The following AOPEP variants were observed in gnomAD, a reference collection of about 807,000 sequenced individuals.
AOPEP encodes aminopeptidase O (putative).
A neutral mutation model predicts 98.1 loss-of-function variants in AOPEP; 77 were observed. The observed-to-expected ratio is 0.78, with a 90% confidence interval of 0.65 to 0.95. AOPEP has a LOEUF of 0.95. Among genes scored for constraint, AOPEP ranks in the 40% least tolerant of loss-of-function variants. The pLI, the probability that AOPEP is intolerant of heterozygous loss-of-function variation, is 0.00. For synonymous variants in AOPEP, 346 were observed against 365.3 expected, an observed-to-expected ratio of 0.95 and a Z score of 0.60; for missense variants, 1,024 against 1,024.7, an observed-to-expected ratio of 1.00 and a Z score of 0.01.
At chr9:95,005,755 A>ATTT in intron 13 of AOPEP, 139 bp downstream of exon 13, 1 of 682,094 alleles carries the variant, frequency 1.5e-6, no homozygotes, top group Non-Finnish European at 2.6e-6. Flanking sequence ...ATATATGGGG[A>ATTT]AATTCTACAG....
At chr9:94,780,741 T>G (rs955168758) in intron 3 of AOPEP, among the ~76,000 whole-genome samples, 1 of 152,266 alleles carries the variant, frequency 6.6e-6, no homozygotes, top group Non-Finnish European at 1.5e-5. Context: ...ATAGGACCTC[T>G]ACTCTGTTGT....
chr9:95,140,133 AAT>A, the AOPEP span, among the ~76,000 whole-genome samples: 2 of 152,064 alleles, frequency 1.3e-5, no homozygotes, highest in Admixed American at 6.5e-5. Context: ...TGTTTTAGGA[AAT>A]GGGGTGGACA....
At chr9:95,110,826 C>T in the AOPEP span, 8 of 1,153,554 alleles carry the variant, frequency 6.9e-6, no homozygotes, top group South Asian at 1.8e-4. Context: ...AGCATTGCTT[C>T]CTGTAATTAT....
the AOPEP span, among the ~76,000 whole-genome samples, chr9:95,141,378 CAATATT>C: frequency 1.6e-5 from 2 of 122,152 alleles, no homozygotes; most frequent in South Asian, 5.8e-4. Flanking sequence ...CATGGATAAA[CAATATT>C]AATAGAAATG....
intron 5 of AOPEP, among the ~76,000 whole-genome samples, chr9:94,889,817 C>T (rs1271622784): frequency 6.6e-6 from 1 of 152,202 alleles, no homozygotes; most frequent in Non-Finnish European, 1.5e-5. Context: ...GTGATTCAGT[C>T]TTTCCACATC....
the AOPEP span, among the ~76,000 whole-genome samples, chr9:95,114,933 T>C: frequency 6.6e-6 from 1 of 152,180 alleles, no homozygotes; most frequent in Non-Finnish European, 1.5e-5. Flanking sequence ...AAGAATCTAA[T>C]CTTTTAATTT....
intron 7 of AOPEP, among the ~76,000 whole-genome samples, chr9:94,943,919 CAAAAA>C (rs775807087): frequency 5.7e-5 from 1 of 17,418 alleles, no homozygotes; most frequent in African/African-American, 9.6e-5. Context: ...GACTCCATCT[CAAAAA>C]AAAAAAAAAA....
the AOPEP span, among the ~76,000 whole-genome samples, chr9:95,138,467 G>A: frequency 1.3e-5 from 2 of 152,212 alleles, no homozygotes; most frequent in African/African-American, 4.8e-5. Flanking sequence ...TGGAGAGGGT[G>A]CTCGTAGCTT....
At chr9:95,095,897 A>G in the AOPEP span, among the ~76,000 whole-genome samples, 1 of 152,252 alleles carries the variant, frequency 6.6e-6, no homozygotes, top group Admixed American at 6.5e-5. Flanking sequence ...GACCATCTGC[A>G]AACCACTGAG....
Position 94,917,368 on chromosome 9 carries a change from C to T in AOPEP, c.1365-6618C>T, listed in dbSNP as rs571751158. On this transcript the variant is annotated intron_variant, in intron 5 of 16. Transcript: ENST00000375315. ...CCTGCTAGCAATAGGCCACAGCTAACGCTAAAGCAAATGGTGAAGCTGGCT... is the reference window on the plus strand; with the variant it reads ...CCTGCTAGCAATAGGCCACAGCTAATGCTAAAGCAAATGGTGAAGCTGGCT... Among the ~76,000 whole-genome samples the T allele has an allele frequency of 3.9e-5, 6 of 152,296 alleles. 1 individual carries two copies. The highest frequency in any genetic ancestry group is 2.6e-4 in the Admixed American group (4 of 15,302).
intron 14 of AOPEP, among the ~76,000 whole-genome samples, chr9:95,074,694 T>C (rs1160254456): frequency 6.6e-6 from 1 of 152,322 alleles, no homozygotes; most frequent in East Asian, 1.9e-4. Flanking sequence ...TTCACTGTGA[T>C]GACATGGAAA....
At chr9:95,114,258 A>G in the AOPEP span, 1 of 347,488 alleles carries the variant, frequency 2.9e-6, no homozygotes, top group Admixed American at 3.8e-5. Context: ...CAGGACCCAA[A>G]CAAGTGCCCT....
intron 11 of AOPEP, among the ~76,000 whole-genome samples, chr9:94,987,050 C>T (rs891292371): frequency 6.6e-6 from 1 of 152,256 alleles, no homozygotes; most frequent in Admixed American, 6.5e-5. Context: ...GATCTGAAAT[C>T]AGACCTCTGA....
chr9:94,856,592 G>A (rs905822399), intron 5 of AOPEP, among the ~76,000 whole-genome samples: 1 of 148,052 alleles, frequency 6.8e-6, no homozygotes, highest in South Asian at 2.1e-4. Flanking sequence ...GGTAAGCCGA[G>A]ATCGTGCCAT....
chr9:95,029,598 C>T (rs1390071286), intron 13 of AOPEP, among the ~76,000 whole-genome samples: 3 of 152,158 alleles, frequency 2.0e-5, no homozygotes, highest in South Asian at 2.1e-4. Context: ...TGTTTCAGCA[C>T]TGATTGGAGT....
chr9:94,851,642 T>C (rs989200647), intron 5 of AOPEP, among the ~76,000 whole-genome samples: 2 of 151,586 alleles, frequency 1.3e-5, no homozygotes, highest in South Asian at 2.1e-4. Context: ...ATCTGATGAC[T>C]GGTCTTTCAA....
chr9:94,988,271 T>C (rs1360444932), intron 11 of AOPEP, among the ~76,000 whole-genome samples: 1 of 152,160 alleles, frequency 6.6e-6, no homozygotes, highest in Non-Finnish European at 1.5e-5. Context: ...ATGCAGCTGA[T>C]GCACCCAAAT....
At chr9:94,777,559 C>T (rs998976563) in intron 3 of AOPEP, among the ~76,000 whole-genome samples, 37 of 150,092 alleles carry the variant, frequency 2.5e-4, no homozygotes, top group Admixed American at 1.9e-3. Flanking sequence ...AAAGGCAAGC[C>T]ACATATACCG....
In AOPEP at chr9:94,824,070, A is replaced by G. The variant is rs147281533; in HGVS notation, c.1364+23068A>G. ...CTTTTTGCTGAAGACCTCTAGTGTG[A>G]TTTCCCCAATGTACACCAATTTAAC... On this transcript the variant is annotated intron_variant, in intron 5 of 16. Coordinates refer to ENST00000375315, the MANE Select transcript of AOPEP (RefSeq NM_001193329.3). Among the ~76,000 whole-genome samples, 7 of 152,316 alleles carry G rather than the reference A, an allele frequency of 4.6e-5. No individual in the cohort carries two copies. The East Asian group carries it at 1.4e-3, about 29-fold the overall frequency.
Sources: allele counts gnomAD v4.1 joint callset (sites outside exome capture counted in the v4.1 genomes callset), GRCh38; gene constraint gnomAD v4.1.1; transcripts MANE v1.5; gene names NCBI Gene and HGNC (gene_info 2026-07-23, HGNC 2026-07-21).